The following GSK3B variants were observed in gnomAD, a reference collection of about 807,000 sequenced individuals.
GSK3B encodes the protein glycogen synthase kinase-3 beta.
GSK3B carries 15 observed loss-of-function variants against 56.4 expected under a neutral mutation model. The ratio of observed to expected loss-of-function variants is 0.27; its 90% CI spans 0.18 to 0.41. The LOEUF is 0.41. GSK3B is among the 10% of genes least tolerant of loss of function. GSK3B has a pLI of 1.00. For synonymous variants in GSK3B, 181 were observed against 188.9 expected (o/e 0.96, Z 0.34); for missense variants, 300 against 513.4 (o/e 0.58, Z 4.02).
intron 3 of GSK3B, among the ~76,000 whole-genome samples, chr3:119,943,767 C>G (rs1029110384): frequency 3.3e-5 from 5 of 149,420 alleles, no homozygotes; most frequent in African/African-American, 1.2e-4. Flanking sequence ...GGGAGAGAGA[C>G]AGAGAGAAAA....
Position 119,826,311 on chromosome 3 carries a change from GT to G in GSK3B, c.*476del, listed in dbSNP as rs1269272927. On this transcript the variant is annotated 3_prime_UTR_variant, in exon 11 of 11. Transcript: ENST00000264235. ...CAAGTGACATTTAAGTCCCCGTTGAGTTATACCTGCTAAGCTCCCAACCAAT... is the reference window on the plus strand; with the variant it reads ...CAAGTGACATTTAAGTCCCCGTTGAGTATACCTGCTAAGCTCCCAACCAAT... The G allele has an allele frequency of 6.6e-6, 2 of 304,948 alleles. No homozygotes were observed. Among genetic ancestry groups the G allele is most frequent in the African/African-American group, 4.3e-5 (2 of 46,084 alleles). 18.9% of individuals were successfully genotyped at this position (304,948 alleles called of 1,614,324 possible).
At chr3:119,850,033 T>C (rs1429580172) in intron 9 of GSK3B, among the ~76,000 whole-genome samples, 1 of 136,698 alleles carries the variant, frequency 7.3e-6, no homozygotes, top group African/African-American at 2.4e-5. Context: ...TATAGATGTA[T>C]GTAATGTAAA....
At chr3:120,026,794 G>A (rs13082848) in intron 1 of GSK3B, among the ~76,000 whole-genome samples, 4,201 of 151,924 alleles carry the variant, frequency 0.028, 89 homozygotes, top group Non-Finnish European at 0.041. Context: ...CTGACCTCGA[G>A]TGATCCACCC....
chr3:119,978,237 C>A (rs918264055), intron 2 of GSK3B, among the ~76,000 whole-genome samples: 1 of 152,092 alleles, frequency 6.6e-6, no homozygotes, highest in Non-Finnish European at 1.5e-5. Flanking sequence ...TCAAAATAAA[C>A]CCCTCTCTGG....
intron 6 of GSK3B, among the ~76,000 whole-genome samples, chr3:119,906,319 GT>G (rs1267361387): frequency 6.6e-6 from 1 of 151,960 alleles, no homozygotes; most frequent in African/African-American, 2.4e-5. Context: ...ACTTTAAATG[GT>G]TGATTTTTAT....
At chr3:120,042,407 C>G (rs1030358149) in intron 1 of GSK3B, among the ~76,000 whole-genome samples, 3 of 152,174 alleles carry the variant, frequency 2.0e-5, no homozygotes, top group Admixed American at 6.5e-5. Context: ...AACTTATACC[C>G]TAGCCAAAAC....
chr3:120,002,839 G>T (rs1269157245), intron 1 of GSK3B, among the ~76,000 whole-genome samples: 1 of 152,068 alleles, frequency 6.6e-6, no homozygotes, highest in African/African-American at 2.4e-5. Flanking sequence ...TGTTAAATTT[G>T]CCCATGGTCA....
intron 10 of GSK3B, among the ~76,000 whole-genome samples, chr3:119,842,037 T>C (rs2055778383): frequency 6.6e-6 from 1 of 152,126 alleles, no homozygotes; most frequent in African/African-American, 2.4e-5. Flanking sequence ...TTCAAGACTA[T>C]TTAAAGAAAA....
intron 10 of GSK3B, among the ~76,000 whole-genome samples, chr3:119,836,822 G>A (rs994041644): frequency 6.6e-6 from 1 of 152,182 alleles, no homozygotes; most frequent in Non-Finnish European, 1.5e-5. Context: ...GAATTTATCA[G>A]TAACTTGAAT....
At position 119,821,838 on chromosome 3, in the gene GSK3B, A is replaced by G. The variant is rs540482814; in HGVS notation, c.*4950T>C. The stretch of plus-strand genomic sequence containing the variant: ...TATCTTGTTCTGTATAACAAAGATT[A>G]ATGTTTCCCTAATTAGAGGAATGGA... On this transcript the variant is annotated 3_prime_UTR_variant, in exon 11 of 11. Transcript: ENST00000264235. 5.0e-4 allele frequency: 85 copies of G among 170,040 alleles called. No homozygotes were observed. The highest frequency in any genetic ancestry group is 1.0e-3 in the Non-Finnish European group (79 of 78,308). The allele number at this position is 170,040 out of a possible 1,614,324, so 10.5% of individuals were successfully genotyped here.
intron 2 of GSK3B, among the ~76,000 whole-genome samples, chr3:119,962,236 G>C (rs557573381): frequency 3.9e-5 from 6 of 152,100 alleles, no homozygotes; most frequent in African/African-American, 1.4e-4. Flanking sequence ...TTAGCCAAGC[G>C]TGGTGGTGCA....
intron 6 of GSK3B, among the ~76,000 whole-genome samples, chr3:119,911,464 G>C (rs1458211696): frequency 6.6e-6 from 1 of 152,128 alleles, no homozygotes; most frequent in Non-Finnish European, 1.5e-5. Flanking sequence ...AGCTACATTA[G>C]GCCCTCACAA....
At chr3:120,047,211 A>G (rs991191393) in intron 1 of GSK3B, among the ~76,000 whole-genome samples, 2 of 152,212 alleles carry the variant, frequency 1.3e-5, no homozygotes, top group African/African-American at 2.4e-5. Flanking sequence ...TAAGTAATGT[A>G]TTTCCTATCA....
chr3:120,061,503 A>G (rs1376238916), intron 1 of GSK3B, among the ~76,000 whole-genome samples: 1 of 152,180 alleles, frequency 6.6e-6, no homozygotes, highest in Admixed American at 6.5e-5. Context: ...TTACTGTGTG[A>G]ATACCACAGG....
intron 10 of GSK3B, among the ~76,000 whole-genome samples, chr3:119,828,553 G>A (rs2055551213): frequency 6.6e-6 from 1 of 152,202 alleles, no homozygotes; most frequent in Non-Finnish European, 1.5e-5. Context: ...GAAGGGATTT[G>A]TAGATCTACC....
intron 1 of GSK3B, among the ~76,000 whole-genome samples, chr3:120,020,645 T>C (rs978815550): frequency 6.6e-6 from 1 of 152,172 alleles, no homozygotes; most frequent in African/African-American, 2.4e-5. Context: ...GACACAACGA[T>C]ATTGAAATTA....
intron 9 of GSK3B, among the ~76,000 whole-genome samples, chr3:119,857,835 T>G (rs1245352627): frequency 6.6e-6 from 1 of 152,160 alleles, no homozygotes; most frequent in Non-Finnish European, 1.5e-5. Flanking sequence ...TAACAGGACA[T>G]AAAAGTAGAA....
chr3:120,008,538 C>T (rs1228593840), intron 1 of GSK3B, among the ~76,000 whole-genome samples: 1 of 152,098 alleles, frequency 6.6e-6, no homozygotes, highest in African/African-American at 2.4e-5. Flanking sequence ...AGAACAGAGG[C>T]CTCAGAAATG....
At position 119,826,574 on chromosome 3, in the gene GSK3B, A is replaced by C; in HGVS notation, c.*214T>G. 1 of 406,552 alleles carries C rather than the reference A, an allele frequency of 2.5e-6. No individual in the cohort carries two copies. Among genetic ancestry groups the C allele is most frequent in the Non-Finnish European group, 5.0e-6 (1 of 201,580 alleles). 25.2% of individuals were successfully genotyped at this position (406,552 alleles called of 1,614,324 possible). ...CCCCACAACCCCTCCCACCCCCTGG[A>C]TCTCCCTCAAAGTGAGAATACAATG... On this transcript the variant is annotated 3_prime_UTR_variant, in exon 11 of 11. Coordinates refer to ENST00000264235, the MANE Select transcript of GSK3B (RefSeq NM_001146156.2).
Sources: gnomAD v4.1 joint callset for allele counts (sites outside exome capture counted in the v4.1 genomes callset) on GRCh38, gnomAD v4.1.1 for gene constraint, MANE v1.5 for transcripts, NCBI Gene and HGNC (gene_info 2026-07-23, HGNC 2026-07-21) for gene names.